Variants in GREM2 observed in about 807,000 individuals in gnomAD.
The protein encoded by GREM2 is gremlin 2, DAN family BMP antagonist.
In GREM2, 11 loss-of-function variants were observed where a neutral mutation model predicts 14.2. The observed-to-expected ratio is 0.78, with a 90% CI of 0.49 to 1.28. GREM2 has a LOEUF of 1.28. GREM2 is among the 50% of genes most tolerant of loss of function. GREM2 has a pLI of 0.00. For synonymous variants in GREM2, 98 were observed against 97.6 expected, an observed-to-expected ratio of 1.00 and a Z score of -0.02; for missense variants, 210 against 218.5, an observed-to-expected ratio of 0.96 and a Z score of 0.24.
chr1:240,506,774 T>C (rs1245325737), intron 1 of GREM2, among the ~76,000 whole-genome samples: 5 of 152,220 alleles, frequency 3.3e-5, no homozygotes, highest in Admixed American at 2.6e-4. Context: ...AGACATTGAC[T>C]TCCTCCCTGG....
chr1:240,531,606 T>C, intron 1 of GREM2: 5 of 978,488 alleles, frequency 5.1e-6, no homozygotes, highest in Non-Finnish European at 4.9e-6. Context: ...TGTGTGGTTA[T>C]GTGGCGAGGC....
At chr1:240,494,122 T>C (rs940299556) in intron 1 of GREM2, among the ~76,000 whole-genome samples, 1 of 152,260 alleles carries the variant, frequency 6.6e-6, no homozygotes, top group African/African-American at 2.4e-5. Context: ...ATACTCAATA[T>C]TTACAGTGTT....
At chr1:240,495,247 CT>C in intron 1 of GREM2, among the ~76,000 whole-genome samples, 1 of 152,296 alleles carries the variant, frequency 6.6e-6, no homozygotes, top group East Asian at 1.9e-4. Flanking sequence ...TCATCATCAT[CT>C]TTATGTTTAC....
intron 1 of GREM2, among the ~76,000 whole-genome samples, chr1:240,584,856 A>C: frequency 6.6e-6 from 1 of 152,218 alleles, no homozygotes; most frequent in East Asian, 1.9e-4. Flanking sequence ...ATTTTCTATT[A>C]GGGATGTGAG....
intron 1 of GREM2, among the ~76,000 whole-genome samples, chr1:240,568,174 A>G (rs1285663411): frequency 1.3e-5 from 2 of 152,202 alleles, no homozygotes; most frequent in Admixed American, 6.5e-5. Flanking sequence ...AATATATGAC[A>G]ATAATCACAT....
chr1:240,552,550 G>A (rs558867759), intron 1 of GREM2, among the ~76,000 whole-genome samples: 2 of 152,246 alleles, frequency 1.3e-5, no homozygotes, highest in Admixed American at 6.5e-5. Context: ...AGCTGTGATC[G>A]GGCCACTGCA....
chr1:240,496,842 T>A (rs1003497015), intron 1 of GREM2, among the ~76,000 whole-genome samples: 9 of 152,184 alleles, frequency 5.9e-5, no homozygotes, highest in Middle Eastern at 6.8e-3. Flanking sequence ...AAACCCCGTC[T>A]CTACTAAAAA....
At chr1:240,499,672 C>T (rs1236424686) in intron 1 of GREM2, among the ~76,000 whole-genome samples, 1 of 152,230 alleles carries the variant, frequency 6.6e-6, no homozygotes, top group African/African-American at 2.4e-5. Flanking sequence ...GATCAGGGAT[C>T]ATCCTCGCAG....
At chr1:240,551,679 G>A (rs1678857015) in intron 1 of GREM2, among the ~76,000 whole-genome samples, 2 of 151,222 alleles carry the variant, frequency 1.3e-5, no homozygotes, top group African/African-American at 4.9e-5. Flanking sequence ...ATGAACTATT[G>A]AATGAGGTAC....
intron 1 of GREM2, among the ~76,000 whole-genome samples, chr1:240,509,296 T>A (rs1273991020): frequency 6.6e-6 from 1 of 151,386 alleles, no homozygotes; most frequent in African/African-American, 2.4e-5. Context: ...TCACTCCAAC[T>A]CAGGTGTAGT....
intron 1 of GREM2, among the ~76,000 whole-genome samples, chr1:240,598,547 T>C (rs1679863172): frequency 6.6e-6 from 1 of 152,232 alleles, no homozygotes; most frequent in South Asian, 2.1e-4. Flanking sequence ...CAGACATCAG[T>C]CATCAGCAGT....
chr1:240,524,643 C>A (rs1678182692), intron 1 of GREM2, among the ~76,000 whole-genome samples: 1 of 152,092 alleles, frequency 6.6e-6, no homozygotes, highest in African/African-American at 2.4e-5. Flanking sequence ...TTAGAAGAAG[C>A]CATAGAAGAA....
At chr1:240,544,337 C>T (rs1017845458) in intron 1 of GREM2, among the ~76,000 whole-genome samples, 8 of 151,964 alleles carry the variant, frequency 5.3e-5, no homozygotes, top group East Asian at 3.9e-4. Context: ...TTAATAGACG[C>T]GGGGTTTCAC....
Position 240,493,305 on chromosome 1 carries a change from C to G in GREM2, c.171G>C (p.Gln57His). 6.2e-7 allele frequency: 1 copy of G among 1,614,066 alleles called. No individual in the cohort carries two copies. Among genetic ancestry groups the G allele is most frequent in the East Asian group, 2.2e-5 (1 of 44,824 alleles). The change falls in exon 2 of 2, where the codon CAG (glutamine) becomes CAC (histidine). Residue 57 changes from glutamine to histidine, a missense_variant. By Grantham distance (24) the Gln-to-His change is conservative (BLOSUM62 0). Transcript: ENST00000318160. ...TGCGCTCGGTGACCACCAGGGCCTC[C>G]TGGCTGGAGGCCAGCACCTCCTTGA... is the stretch of plus-strand genomic sequence containing the variant. ...HQIKEVLASS[Q>H]EALVVTERKY...
intron 1 of GREM2, among the ~76,000 whole-genome samples, chr1:240,588,083 C>T (rs972396345): frequency 7.9e-5 from 12 of 152,132 alleles, no homozygotes; most frequent in Admixed American, 7.9e-4. Context: ...ACTCCTTAAC[C>T]AATGAATGGC....
At chr1:240,567,650 A>C (rs995805181) in intron 1 of GREM2, among the ~76,000 whole-genome samples, 1 of 152,208 alleles carries the variant, frequency 6.6e-6, no homozygotes, top group Non-Finnish European at 1.5e-5. Context: ...ACATAATAAG[A>C]AATGTTAAAG....
Position 240,542,638 on chromosome 1 carries a change from A to T in GREM2, c.-1-49162T>A, listed in dbSNP as rs572014984. Among the ~76,000 whole-genome samples, 4 of 151,746 alleles carry T rather than the reference A, an allele frequency of 2.6e-5. No individual in the cohort carries two copies. The highest frequency in any genetic ancestry group is 5.9e-5 in the Non-Finnish European group (4 of 67,934). On this transcript the variant is annotated intron_variant, in intron 1 of 1. Transcript: ENST00000318160. This position sits in a 1 kb window ranked among gnomAD's most constrained non-coding sequence, Gnocchi z 4.1. ...CAAAAATAAATAAATAAATAAATAA[A>T]TAAAAATTTCTAAAGAGCTGATATA...
At chr1:240,524,161 C>T (rs999902355) in intron 1 of GREM2, among the ~76,000 whole-genome samples, 3 of 152,202 alleles carry the variant, frequency 2.0e-5, no homozygotes, top group Non-Finnish European at 4.4e-5. Context: ...AAGCTATAGG[C>T]ACATGCCACC....
At chr1:240,510,565 T>G (rs569104094) in intron 1 of GREM2, among the ~76,000 whole-genome samples, 1 of 152,062 alleles carries the variant, frequency 6.6e-6, no homozygotes, top group East Asian at 1.9e-4. Flanking sequence ...TTGCAAAACT[T>G]TGCAACACTT....
Sources: allele counts gnomAD v4.1 joint callset (sites outside exome capture counted in the v4.1 genomes callset), GRCh38; gene constraint gnomAD v4.1.1; non-coding constraint Gnocchi (gnomAD v3.1); transcripts MANE v1.5; gene names NCBI Gene and HGNC (gene_info 2026-07-23, HGNC 2026-07-21).